Variants in PCM1 observed in about 807,000 individuals in gnomAD.
PCM1 encodes pericentriolar material 1 protein.
Under a neutral mutation model 241.9 loss-of-function variants are expected in PCM1, and 157 were observed. The ratio of observed to expected loss-of-function variants is 0.65; its 90% CI spans 0.57 to 0.74. The LOEUF is 0.74. Ranked by LOEUF, PCM1 falls within the 30% of genes least tolerant of loss-of-function variation. The pLI is 0.00. For missense variants in PCM1, 3,478 were observed against 2,360.1 expected, an observed-to-expected ratio of 1.47 and a Z score of -9.81; for synonymous variants, 1,085 against 784.9, an observed-to-expected ratio of 1.38 and a Z score of -6.39.
intron 29 of PCM1, among the ~76,000 whole-genome samples, chr8:17,994,420 T>C (rs571406085): frequency 6.6e-6 from 1 of 152,344 alleles, no homozygotes; most frequent in East Asian, 1.9e-4. Context: ...ACATTTTCTT[T>C]ATCTGTTCAT....
In PCM1 at chr8:17,960,081, A is replaced by C. The variant is rs1202245653; in HGVS notation, c.2108A>C (p.Glu703Ala). The C allele has an allele frequency of 2.5e-6, 4 of 1,611,084 alleles. No individual in the cohort carries two copies. In the Admixed American group the frequency reaches 5.0e-5, roughly 20 times the overall value. Residue 703 changes from glutamate to alanine, a missense_variant, in exon 14 of 39, where the codon GAA (glutamate) becomes GCA (alanine). By Grantham distance (107) the Glu-to-Ala change is moderately radical. Transcript: ENST00000325083. Reference protein sequence around the residue: ...ASNLDDFYPAEEDTKQNSNNT... With the variant: ...ASNLDDFYPAAEDTKQNSNNT... Reference sequence around the variant, plus strand: ...AATTTGGATGATTTCTACCCAGCAGAAGAAGACACCAAGCAAAATTCAAAT... The same window carrying C: ...AATTTGGATGATTTCTACCCAGCAGCAGAAGACACCAAGCAAAATTCAAAT...
chr8:17,937,279 A>C lies in PCM1; in HGVS notation c.242A>C (p.His81Pro). ...GGAAGGCGAAGAACAAAGACTCCAC[A>C]TACGTTCCCACACAGTAGATACATG... The part of the protein sequence containing the change: ...GVGRRRTKTP[H>P]TFPHSRYMSQ... Residue 81 changes from histidine to proline, a missense_variant, in exon 4 of 39, where the codon CAT becomes CCT. Transcript: ENST00000325083. 1 of 1,610,872 alleles carries C rather than the reference A, an allele frequency of 6.2e-7. No homozygotes were observed. Among genetic ancestry groups the C allele is most frequent in the East Asian group, 2.2e-5 (1 of 44,844 alleles).
chr8:17,997,357 G>A (rs574737592), intron 29 of PCM1, among the ~76,000 whole-genome samples: 9 of 152,066 alleles, frequency 5.9e-5, no homozygotes, highest in Non-Finnish European at 1.0e-4. Context: ...ATTATTAAAT[G>A]CCTTGAGATA....
At chr8:17,999,245 A>G (rs189896945) in intron 29 of PCM1, among the ~76,000 whole-genome samples, 1 of 152,168 alleles carries the variant, frequency 6.6e-6, no homozygotes, top group Non-Finnish European at 1.5e-5. Flanking sequence ...ACAGCTCAGT[A>G]TACGTTGGAT....
chr8:17,955,503 C>T lies in PCM1; in HGVS notation c.1322C>T (p.Thr441Ile). ...CAAAGGAGTGTCGATCAGAGAAGTA[C>T]TTCAGCTCCCTCTGCTTCTGTAGGC... ...SPQRSVDQRS[T>I]SAPSASVGLA... The change falls in exon 10 of 39, where the codon ACT becomes ATT. Residue 441 changes from threonine (T) to isoleucine (I), a missense_variant. Physicochemically the swap from Thr to Ile is moderately conservative, Grantham distance 89 (BLOSUM62 -1). Coordinates refer to ENST00000325083, the MANE Select transcript of PCM1 (RefSeq NM_006197.4). 3.1e-6 allele frequency: 5 copies of T among 1,613,140 alleles called. No homozygotes were observed. Among genetic ancestry groups the T allele is most frequent in the Admixed American group, 1.7e-5 (1 of 59,910 alleles).
chr8:18,009,486 A>T, intron 30 of PCM1, 61 bp from the exon 31 acceptor site: 1 of 1,048,612 alleles, frequency 9.5e-7, no homozygotes, highest in Non-Finnish European at 1.4e-6. Context: ...ACTTAAAAGT[A>T]ATAGTATTTT....
intron 26 of PCM1, among the ~76,000 whole-genome samples, chr8:17,989,439 T>C (rs972729321): frequency 6.6e-6 from 1 of 152,074 alleles, no homozygotes; most frequent in Non-Finnish European, 1.5e-5. Context: ...CAATAAAGTT[T>C]ATTTTTTAAA....
chr8:18,024,929 C>T (rs1335235166), intron 36 of PCM1: 1 of 152,926 alleles, frequency 6.5e-6, no homozygotes, highest in Non-Finnish European at 1.5e-5. Flanking sequence ...TTAAGGTGAT[C>T]ACAAAAGACA....
intron 24 of PCM1, chr8:17,983,413 A>G (rs905462941): frequency 9.0e-6 from 3 of 332,262 alleles, no homozygotes; most frequent in African/African-American, 4.4e-5. Context: ...TTATGTGACT[A>G]TTGTAAAAGA....
intron 26 of PCM1, among the ~76,000 whole-genome samples, chr8:17,988,162 C>G (rs2083249213): frequency 6.6e-6 from 1 of 151,750 alleles, no homozygotes; most frequent in East Asian, 1.9e-4. Flanking sequence ...AAAAGCACAT[C>G]TGTCTTGAAG....
At position 18,028,144 on chromosome 8, in the gene PCM1, G is replaced by A. The variant is rs552194482; in HGVS notation, c.*482G>A. 114 of 197,620 alleles carry A rather than the reference G, an allele frequency of 5.8e-4. No individual in the cohort carries two copies. Among genetic ancestry groups the A allele is most frequent in the African/African-American group, 2.5e-3 (110 of 43,508 alleles). 12.2% of individuals were successfully genotyped at this position (197,620 alleles called of 1,614,324 possible). On this transcript the variant is annotated 3_prime_UTR_variant, in exon 39 of 39. Transcript: ENST00000325083. The stretch of plus-strand genomic sequence containing the variant: ...AACTAATGCCAGTGTTGCTGCTGTT[G>A]GGTCTGATGTTCTTCTTTTAGATAC...
At chr8:17,933,739 CT>C (rs1390822257) in intron 2 of PCM1, among the ~76,000 whole-genome samples, 1 of 152,098 alleles carries the variant, frequency 6.6e-6, no homozygotes, top group Non-Finnish European at 1.5e-5. Flanking sequence ...AATACCTACT[CT>C]TTAAGAATAC....
rs765005446 is a variant in PCM1, at chr8:17,937,209, A to C, written c.172A>C (p.Lys58Gln). 6.2e-7 allele frequency: 1 copy of C among 1,604,636 alleles called. No homozygotes were observed. Among genetic ancestry groups the C allele is most frequent in the South Asian group, 1.1e-5 (1 of 89,680 alleles). ...NKKKFGVESD[K>Q]RVTNDISPES... ...GAAAAAGTTTGGTGTAGAAAGTGAT[A>C]AAAGAGTAACCAATGATATTTCTCC... The change falls in exon 4 of 39, where the codon AAA (lysine) becomes CAA (glutamine). Residue 58 changes from lysine (K) to glutamine (Q), a missense_variant. Coordinates refer to ENST00000325083, the MANE Select transcript of PCM1 (RefSeq NM_006197.4).
Position 18,011,264 on chromosome 8 carries a change from C to G in PCM1, c.5248C>G (p.Gln1750Glu). The change falls in exon 33 of 39, where the codon CAG becomes GAG. Residue 1750 changes from glutamine (Q) to glutamate (E), a missense_variant. By Grantham distance (29) the Gln-to-Glu change is conservative. Coordinates refer to ENST00000325083, the MANE Select transcript of PCM1 (RefSeq NM_006197.4). ...CAAGGATGAAACTGAAACAGTTAAG[C>G]AGACTCAAACATCTGAGGTGTATGA... Reference protein sequence around the residue: ...KDKDETETVKQTQTSEVYDGP... With the variant: ...KDKDETETVKETQTSEVYDGP... 1 of 1,605,060 alleles carries G rather than the reference C, an allele frequency of 6.2e-7. No homozygotes were observed. The highest frequency in any genetic ancestry group is 8.5e-7 in the Non-Finnish European group (1 of 1,175,544).
intron 29 of PCM1, among the ~76,000 whole-genome samples, chr8:18,004,894 C>A (rs781306027): frequency 2.0e-5 from 3 of 152,150 alleles, no homozygotes; most frequent in Admixed American, 6.6e-5. Flanking sequence ...ACCCAAACTC[C>A]TTAGTCTTCA....
intron 34 of PCM1, among the ~76,000 whole-genome samples, 157 bp downstream of exon 34, chr8:18,011,984 G>C (rs1178490147): frequency 1.3e-5 from 2 of 152,072 alleles, no homozygotes; most frequent in Non-Finnish European, 2.9e-5. Context: ...TGAAAAACCA[G>C]TTTATTTTTT....
In PCM1 at chr8:18,025,671, A is replaced by G. The variant is rs1037391900; in HGVS notation, c.6049+13A>G. ...CTAAAAGAACCTGGTAAGAGTTATC[A>G]ATTTAAATCTTGCCATATTGAAAAA... On this transcript the variant is annotated intron_variant, in intron 38 of 38. Coordinates refer to ENST00000325083, the MANE Select transcript of PCM1 (RefSeq NM_006197.4). 2 of 1,383,270 alleles carry G rather than the reference A, an allele frequency of 1.4e-6. No individual in the cohort carries two copies. Among genetic ancestry groups the G allele is most frequent in the Non-Finnish European group, 2.0e-6 (2 of 1,000,764 alleles). The allele number at this position is 1,383,270 out of a possible 1,614,324, so 85.7% of individuals were successfully genotyped here. A position where few individuals can be genotyped will look rare whatever the true frequency, so the allele number is the denominator to read the frequency against.
At position 17,993,583 on chromosome 8, in the gene PCM1, T is replaced by G. The variant is rs2085545441; in HGVS notation, c.4791T>G (p.Ile1597Met). ...RIDTQQLDRQ[I>M]KAIMKEVIPF... ...ATACTCAGCAGCTGGACCGGCAAAT[T>G]AAAGCAATTATGAAAGAAGTCATTC... The change falls in exon 29 of 39, where the codon ATT (isoleucine) becomes ATG (methionine). Residue 1597 changes from isoleucine (I) to methionine (M), a missense_variant. Ile to Met is a conservative substitution (Grantham distance 10). Coordinates refer to ENST00000325083, the MANE Select transcript of PCM1 (RefSeq NM_006197.4). 1 of 1,594,170 alleles carries G rather than the reference T, an allele frequency of 6.3e-7. No homozygotes were observed. Among genetic ancestry groups the G allele is most frequent in the Non-Finnish European group, 8.6e-7 (1 of 1,169,180 alleles).
At chr8:17,991,159 C>T (rs1007501058) in intron 27 of PCM1, among the ~76,000 whole-genome samples, 4 of 151,018 alleles carry the variant, frequency 2.6e-5, no homozygotes, top group Non-Finnish European at 4.4e-5. Flanking sequence ...TTTTAGGTTG[C>T]GTTGTTTTCA....
Sources: allele counts gnomAD v4.1 joint callset (sites outside exome capture counted in the v4.1 genomes callset), GRCh38; gene constraint gnomAD v4.1.1; transcripts MANE v1.5; gene names NCBI Gene and HGNC (gene_info 2026-07-23, HGNC 2026-07-21).